The following VRTN variants were observed in gnomAD, a reference collection of about 807,000 sequenced individuals.
VRTN encodes the protein vertnin.
Under a neutral mutation model 18.2 loss-of-function variants are expected in VRTN, and 5 were observed. The observed-to-expected ratio is 0.27, with a 90% CI of 0.14 to 0.58. VRTN has a LOEUF of 0.58. Ranked by LOEUF, VRTN falls within the 20% of genes least tolerant of loss-of-function variation. The probability of loss-of-function intolerance (pLI) is 0.91; values close to 1 mark genes in which losing one functional copy is unlikely to be tolerated. For synonymous variants in VRTN, 381 were observed against 393.7 expected, an observed-to-expected ratio of 0.97 and a Z score of 0.38; for missense variants, 741 against 939.4, an observed-to-expected ratio of 0.79 and a Z score of 2.76.
intron 2 of VRTN, among the ~76,000 whole-genome samples, chr14:74,343,113 C>T (rs963917234): frequency 2.0e-5 from 3 of 151,900 alleles, no homozygotes; most frequent in Non-Finnish European, 2.9e-5. Flanking sequence ...ATACTGTTTT[C>T]GGGAAAGTAA....
At chr14:74,337,083 G>A (rs577661628) in intron 1 of VRTN, among the ~76,000 whole-genome samples, 12 of 152,136 alleles carry the variant, frequency 7.9e-5, no homozygotes, top group South Asian at 2.1e-4. Context: ...AGTGGGTCAC[G>A]CCTGTCATCC....
intron 1 of VRTN, among the ~76,000 whole-genome samples, chr14:74,350,912 C>G (rs963788670): frequency 6.6e-6 from 1 of 152,196 alleles, no homozygotes; most frequent in Admixed American, 6.5e-5. Context: ...CTCAGGAAAT[C>G]GGCTAATTGC....
At chr14:74,353,072 C>A (rs545589495) in intron 1 of VRTN, among the ~76,000 whole-genome samples, 1 of 152,182 alleles carries the variant, frequency 6.6e-6, no homozygotes, top group East Asian at 1.9e-4. Flanking sequence ...GGGTGGATCA[C>A]CTGAGGTCAG....
intron 1 of VRTN, among the ~76,000 whole-genome samples, chr14:74,318,827 C>T (rs1240838906): frequency 6.6e-6 from 1 of 151,682 alleles, no homozygotes; most frequent in Admixed American, 6.6e-5. Flanking sequence ...AATTCTTGTG[C>T]CTCAGCCTCT....
intron 1 of VRTN, among the ~76,000 whole-genome samples, chr14:74,307,375 G>A (rs990287261): frequency 2.0e-5 from 3 of 151,824 alleles, no homozygotes; most frequent in Admixed American, 6.6e-5. Flanking sequence ...GTTGATCCAC[G>A]CGCCTCCACC....
rs1381081842 is a variant in VRTN, at chr14:74,358,358, T to C, written c.1575T>C (p.Pro525=). 6.2e-7 allele frequency: 1 copy of C among 1,613,724 alleles called. No homozygotes were observed. The highest frequency in any genetic ancestry group is 1.7e-5 in the Admixed American group (1 of 60,030). The change falls in exon 2 of 2, where the codon CCT becomes CCC. Residue 525 remains proline, a synonymous_variant. Coordinates refer to ENST00000256362, the MANE Select transcript of VRTN (RefSeq NM_018228.3). The surrounding 1 kb of genome is among the most constrained non-coding windows in gnomAD (Gnocchi z 5.4). ...GGCAGGTGCTGAGTGGGCATCTCCC[T>C]TTCTGCCGCTTCCGCCTCCGCTACC... ...ARRQVLSGHL[P]FCRFRLRYPS... is the part of the protein sequence containing the mutation.
At chr14:74,334,195 C>T (rs928025058) in intron 1 of VRTN, among the ~76,000 whole-genome samples, 1 of 152,036 alleles carries the variant, frequency 6.6e-6, no homozygotes, top group Non-Finnish European at 1.5e-5. Flanking sequence ...GAAGCCAAAG[C>T]CAAGAAGGAA....
chr14:74,329,095 A>T (rs1364515729), intron 1 of VRTN, among the ~76,000 whole-genome samples: 4 of 151,906 alleles, frequency 2.6e-5, no homozygotes, highest in African/African-American at 9.7e-5. Context: ...ACATGGAGAA[A>T]CTCTGTCTCT....
intron 1 of VRTN, among the ~76,000 whole-genome samples, chr14:74,315,351 T>A (rs916002565): frequency 6.6e-6 from 1 of 152,116 alleles, no homozygotes; most frequent in African/African-American, 2.4e-5. Flanking sequence ...GTAGTTGGTA[T>A]AACAAGCATG....
At chr14:74,340,587 G>A (rs900314557) in intron 2 of VRTN, among the ~76,000 whole-genome samples, 4 of 152,128 alleles carry the variant, frequency 2.6e-5, no homozygotes, top group Non-Finnish European at 5.9e-5. Flanking sequence ...CTAAAGTCTA[G>A]AGTTCAGTCT....
At chr14:74,339,692 T>C (rs1434160584) in intron 2 of VRTN, among the ~76,000 whole-genome samples, 2 of 152,088 alleles carry the variant, frequency 1.3e-5, no homozygotes, top group African/African-American at 4.8e-5. Context: ...CACATGCCTG[T>C]AGTCCCAGCT....
chr14:74,345,198 C>T (rs1595172845), upstream of VRTN, among the ~76,000 whole-genome samples: 1 of 152,014 alleles, frequency 6.6e-6, no homozygotes, highest in Admixed American at 6.6e-5. Context: ...GTTCATACCA[C>T]CATGCCTGGC....
At chr14:74,323,394 G>GCCAA (rs1250036668) in intron 1 of VRTN, among the ~76,000 whole-genome samples, 2 of 152,022 alleles carry the variant, frequency 1.3e-5, no homozygotes, top group African/African-American at 4.8e-5. Flanking sequence ...GACCAGCCTG[G>GCCAA]CCAACATGGT....
intron 1 of VRTN, among the ~76,000 whole-genome samples, chr14:74,321,608 C>T (rs377060147): frequency 1.5e-4 from 23 of 149,156 alleles, no homozygotes; most frequent in African/African-American, 5.7e-4. Context: ...TGGGTTCAAG[C>T]GATTCTCCTG....
intron 1 of VRTN, among the ~76,000 whole-genome samples, chr14:74,311,739 T>C (rs2085390175): frequency 7.0e-6 from 1 of 141,952 alleles, no homozygotes. Flanking sequence ...TTGTAATATA[T>C]CTTGGAAGTT....
chr14:74,336,363 C>T (rs2085564411), intron 1 of VRTN, among the ~76,000 whole-genome samples: 1 of 151,948 alleles, frequency 6.6e-6, no homozygotes, highest in Non-Finnish European at 1.5e-5. Context: ...GCCGAGATTG[C>T]ACCATTGCAC....
intron 1 of VRTN, among the ~76,000 whole-genome samples, chr14:74,354,596 G>C (rs1319188479): frequency 1.3e-5 from 2 of 151,784 alleles, no homozygotes; most frequent in East Asian, 3.9e-4. Flanking sequence ...GTAGAGACGG[G>C]GTTTCACCAC....
At chr14:74,326,161 T>C (rs967584402) in intron 1 of VRTN, among the ~76,000 whole-genome samples, 3 of 152,108 alleles carry the variant, frequency 2.0e-5, no homozygotes, top group African/African-American at 2.4e-5. Context: ...GGGACCTCAA[T>C]TGATATGTCC....
rs147691350 is a variant in VRTN, at chr14:74,358,681, C to T, written c.1898C>T (p.Ala633Val). 128 of 1,613,148 alleles carry T rather than the reference C, an allele frequency of 7.9e-5. No individual in the cohort carries two copies. The African/African-American group carries it at 1.3e-3, about 17-fold the overall frequency. Residue 633 changes from alanine to valine, a missense_variant, in exon 2 of 2, where the codon GCG (alanine) becomes GTG (valine). Around this residue, in one of 3 missense-constraint regions of VRTN, gnomAD observed 61 missense variants for 104.6 expected, o/e 0.58. Coordinates refer to ENST00000256362, the MANE Select transcript of VRTN (RefSeq NM_018228.3). The surrounding 1 kb of genome is among the most constrained non-coding windows in gnomAD (Gnocchi z 5.4). The stretch of plus-strand genomic sequence containing the variant: ...CTGAGCCAACCTGTGGTGGCAGCAG[C>T]GGGTGGCAGGGATGGCCGGATGCTG... Reference protein sequence around the residue: ...PLLSQPVVAAAGGRDGRMLVM... With the variant: ...PLLSQPVVAAVGGRDGRMLVM...
Sources: allele counts gnomAD v4.1 joint callset (sites outside exome capture counted in the v4.1 genomes callset), GRCh38; gene constraint gnomAD v4.1.1; regional missense constraint gnomAD v4.1.1; non-coding constraint Gnocchi (gnomAD v3.1); transcripts MANE v1.5; gene names NCBI Gene and HGNC (gene_info 2026-07-23, HGNC 2026-07-21).